Variants in ADCY3 observed in about 807,000 individuals in gnomAD.
ADCY3 encodes the protein adenylate cyclase type 3.
Under a neutral mutation model 119.4 loss-of-function variants are expected in ADCY3, and 70 were observed. The observed-to-expected ratio is 0.59, with a 90% CI of 0.48 to 0.72. ADCY3 has a LOEUF of 0.72. ADCY3 is among the 30% of genes least tolerant of loss of function. The pLI, the probability that ADCY3 is intolerant of heterozygous loss-of-function variation, is 0.00. For synonymous variants in ADCY3, 672 were observed against 621.4 expected (o/e 1.08, Z -1.21); for missense variants, 1,238 against 1,541.6 (o/e 0.80, Z 3.30).
intron 2 of ADCY3, among the ~76,000 whole-genome samples, chr2:24,913,401 CT>C (rs1441469983): frequency 6.6e-6 from 1 of 152,230 alleles, no homozygotes; most frequent in Non-Finnish European, 1.5e-5. Context: ...CACTGTTCAG[CT>C]ACGTTGCTTA....
chr2:24,854,638 G>C (rs1415488390), intron 3 of ADCY3, among the ~76,000 whole-genome samples: 1 of 152,180 alleles, frequency 6.6e-6, no homozygotes, highest in Non-Finnish European at 1.5e-5. Flanking sequence ...AGAGGTCATA[G>C]TCTGTACCTG....
chr2:24,868,832 T>C (rs1674624077), intron 3 of ADCY3, among the ~76,000 whole-genome samples: 1 of 149,954 alleles, frequency 6.7e-6, no homozygotes, highest in Non-Finnish European at 1.5e-5. Flanking sequence ...CTGGCTAACA[T>C]GGTGAAACCC....
At position 24,828,118 on chromosome 2, in the gene ADCY3, G is replaced by A. The variant is rs1296018193; in HGVS notation, c.2216C>T (p.Ala739Val). ...QYYTGPSNATAGMETEGSCLE... is the reference protein window; with the variant it reads ...QYYTGPSNATVGMETEGSCLE... ...GCAGCTGCCCTCCGTTTCCATCCCTGCCGTTGCATTGCTGGGTCCCGTGTA... is the reference window on the plus strand; with the variant it reads ...GCAGCTGCCCTCCGTTTCCATCCCTACCGTTGCATTGCTGGGTCCCGTGTA... The change falls in exon 14 of 22, where the codon GCA (alanine) becomes GTA (valine). Residue 739 changes from alanine (A) to valine (V), a missense_variant. Ala to Val is a moderately conservative substitution (Grantham distance 64). Around this residue, in one of 7 missense-constraint regions of ADCY3, gnomAD observed 499 missense variants for 571.0 expected, o/e 0.87. Transcript: ENST00000679454. 1.9e-6 allele frequency: 3 copies of A among 1,614,006 alleles called. No homozygotes were observed. In the African/African-American group the frequency reaches 4.0e-5, roughly 22 times the overall value.
At chr2:24,881,239 T>C (rs1019349189) in intron 2 of ADCY3, among the ~76,000 whole-genome samples, 5 of 134,376 alleles carry the variant, frequency 3.7e-5, no homozygotes, top group African/African-American at 6.7e-5. Context: ...AGCTGCAGCT[T>C]AGAGCCAAAG....
At chr2:24,883,347 C>CA (rs973882043) in intron 2 of ADCY3, among the ~76,000 whole-genome samples, 8 of 102,872 alleles carry the variant, frequency 7.8e-5, no homozygotes, top group South Asian at 2.9e-4. Flanking sequence ...GACTCTGTCT[C>CA]AAAAAAAATA....
chr2:24,901,312 T>C (rs1475424758), intron 2 of ADCY3, among the ~76,000 whole-genome samples: 1 of 152,254 alleles, frequency 6.6e-6, no homozygotes, highest in African/African-American at 2.4e-5. Context: ...AAGAATCACT[T>C]ATGTTTAGTC....
intron 2 of ADCY3, among the ~76,000 whole-genome samples, chr2:24,902,795 C>T (rs914231729): frequency 2.6e-5 from 4 of 152,110 alleles, no homozygotes; most frequent in African/African-American, 7.2e-5. Context: ...TTTGGGAGGC[C>T]GCGGTGGGTG....
At position 24,841,441 on chromosome 2, in the gene ADCY3, G is replaced by A; in HGVS notation, c.1069-55C>T. The A allele has an allele frequency of 1.2e-6, 2 of 1,600,254 alleles. No individual in the cohort carries two copies. The highest frequency in any genetic ancestry group is 4.5e-5 in the East Asian group (2 of 44,510). On this transcript the variant is annotated intron_variant, in intron 5 of 21. Transcript: ENST00000679454. This position sits in a 1 kb window ranked among gnomAD's most constrained non-coding sequence, Gnocchi z 5.8. The stretch of plus-strand genomic sequence containing the variant: ...AGCCCCTCCTCAGTGAGGGAGGAGT[G>A]GCCAAGAAAGCAGAGGAAGGACAGT...
In ADCY3 at chr2:24,824,518, T is replaced by C. The variant is rs1668313296; in HGVS notation, c.2596A>G (p.Thr866Ala). The change falls in exon 17 of 22, where the codon ACA becomes GCA. Residue 866 changes from threonine to alanine, a missense_variant. By Grantham distance (58) the Thr-to-Ala change is moderately conservative. This residue lies in a region of ADCY3 where 499 missense variants were observed against 571.0 expected (regional missense o/e 0.87). Transcript: ENST00000679454. The stretch of plus-strand genomic sequence containing the variant: ...ACCTCAATCTTCCACAAGAAAAGTG[T>C]CCGTGCCAGTTTTTCTACCTACAGA... The part of the protein sequence containing the change: ...FSRHVEKLAR[T>A]LFLWKIEVHD... The C allele has an allele frequency of 6.2e-7, 1 of 1,614,158 alleles. No homozygotes were observed. The highest frequency in any genetic ancestry group is 2.2e-5 in the East Asian group (1 of 44,886).
chr2:24,856,511 A>G (rs921179521), intron 3 of ADCY3, among the ~76,000 whole-genome samples: 2 of 152,154 alleles, frequency 1.3e-5, no homozygotes, highest in African/African-American at 4.8e-5. Flanking sequence ...TCATGGCCTG[A>G]CTACCTAAGC....
chr2:24,851,238 C>T (rs550430805), intron 3 of ADCY3, among the ~76,000 whole-genome samples: 19 of 152,010 alleles, frequency 1.2e-4, no homozygotes, highest in Admixed American at 9.2e-4. Context: ...TGGCCAGGCA[C>T]GAACCAAGGA....
At chr2:24,850,057 C>T (rs911558839) in intron 3 of ADCY3, among the ~76,000 whole-genome samples, 28 of 152,166 alleles carry the variant, frequency 1.8e-4, no homozygotes, top group African/African-American at 6.0e-4. Flanking sequence ...TCCCTGTCCT[C>T]TGCTTCTGGT....
rs1678590355 is a variant in ADCY3 at position 24,898,871 on chromosome 2, A to G, written c.675+19442T>C. The stretch of plus-strand genomic sequence containing the variant: ...TGGGGATAGCTCCAGTTCACACTGG[A>G]AACCCTTTCACCGCCAGAGAACTCC... On this transcript the variant is annotated intron_variant, in intron 2 of 21. Transcript: ENST00000679454. This position sits in a 1 kb window ranked among gnomAD's most constrained non-coding sequence, Gnocchi z 4.3. Among the ~76,000 whole-genome samples the G allele has an allele frequency of 6.6e-6, 1 of 152,112 alleles. No individual in the cohort carries two copies. The highest frequency in any genetic ancestry group is 2.4e-5 in the African/African-American group (1 of 41,408).
chr2:24,861,919 T>C (rs929529391), intron 3 of ADCY3, among the ~76,000 whole-genome samples: 1 of 152,232 alleles, frequency 6.6e-6, no homozygotes. Flanking sequence ...CCTTATTTCA[T>C]GTGATTCCCA....
In ADCY3 at chr2:24,904,552, T is replaced by C. The variant is rs1358886213; in HGVS notation, c.675+13761A>G. ...AAAGAAAAGAAAAGAAAAAAGTACA[T>C]GATTCTTTGTCTCTGTGGAGAACTT... On this transcript the variant is annotated intron_variant, in intron 2 of 21. Coordinates refer to ENST00000679454, the MANE Select transcript of ADCY3 (RefSeq NM_004036.5). Among the ~76,000 whole-genome samples the C allele has an allele frequency of 2.0e-5, 3 of 152,008 alleles. No homozygotes were observed. In the East Asian group the frequency reaches 5.8e-4, roughly 29 times the overall value.
rs969609751 is a variant in ADCY3 at position 24,834,297 on chromosome 2, A to G, written c.1967+188T>C. Among the ~76,000 whole-genome samples, 3 of 152,130 alleles carry G rather than the reference A, an allele frequency of 2.0e-5. No individual in the cohort carries two copies. The highest frequency in any genetic ancestry group is 7.2e-5 in the African/African-American group (3 of 41,440). ...GACTGCTCCAAAACGCGGGGCAGGG[A>G]AAAGGAAGGATGCCCAGGGTGCCGT... On this transcript the variant is annotated intron_variant, in intron 11 of 21. Coordinates refer to ENST00000679454, the MANE Select transcript of ADCY3 (RefSeq NM_004036.5). The surrounding 1 kb of genome is among the most constrained non-coding windows in gnomAD (Gnocchi z 4.2).
chr2:24,823,641 G>A (rs570051022), intron 17 of ADCY3, among the ~76,000 whole-genome samples: 3 of 151,564 alleles, frequency 2.0e-5, no homozygotes, highest in Non-Finnish European at 2.9e-5. Context: ...CACCATGCCC[G>A]GCTGTAGATT....
chr2:24,842,724 C>T lies in ADCY3; in HGVS notation c.826-340G>A, dbSNP rs1314421114. 2 of 303,984 alleles carry T rather than the reference C, an allele frequency of 6.6e-6. No homozygotes were observed. The highest frequency in any genetic ancestry group is 1.3e-5 in the Non-Finnish European group (2 of 155,742). 18.8% of individuals were successfully genotyped at this position (303,984 alleles called of 1,614,324 possible). On this transcript the variant is annotated intron_variant, in intron 3 of 21. Transcript: ENST00000679454. The surrounding 1 kb of genome is among the most constrained non-coding windows in gnomAD (Gnocchi z 4.9). ...GCTGCTGCACCGTGAGCCCTCCCGG[C>T]AGGAGCCCTGCGGGGTCACCTCAGC...
intron 3 of ADCY3, among the ~76,000 whole-genome samples, chr2:24,865,493 G>C (rs954396336): frequency 0.023 from 1,241 of 55,000 alleles, 20 homozygotes; most frequent in African/African-American, 0.19. Context: ...TATCATCTGT[G>C]TGTGTGTGTG....
Sources: gnomAD v4.1 joint callset for allele counts (sites outside exome capture counted in the v4.1 genomes callset) on GRCh38, gnomAD v4.1.1 for gene constraint, gnomAD v4.1.1 regional missense constraint, Gnocchi (gnomAD v3.1) non-coding constraint, MANE v1.5 for transcripts, NCBI Gene and HGNC (gene_info 2026-07-23, HGNC 2026-07-21) for gene names.